NUMA1: variants seen among roughly 807,000 people sequenced by gnomAD.
The protein encoded by NUMA1 is nuclear mitotic apparatus protein 1.
In NUMA1, 62 loss-of-function variants were observed where a neutral mutation model predicts 237.1. The observed-to-expected ratio is 0.26, with a 90% CI of 0.21 to 0.32. The LOEUF (loss-of-function observed/expected upper bound fraction) is 0.32. Among genes scored for constraint, NUMA1 ranks in the 10% least tolerant of loss-of-function variants. The pLI is 1.00. For missense variants in NUMA1, 2,533 were observed against 2,666.5 expected (o/e 0.95, Z 1.10); for synonymous variants, 1,028 against 1,066.1 (o/e 0.96, Z 0.70).
chr11:72,040,778 GCTCCA>G (rs1355829326), intron 2 of NUMA1: 10 of 152,328 alleles, frequency 6.6e-5, no homozygotes, highest in Admixed American at 1.3e-4. Flanking sequence ...GGCAAGCTCT[GCTCCA>G]CAGCGCCTGT....
chr11:72,009,109 T>A lies in NUMA1; in HGVS notation c.4916A>T (p.Glu1639Val). The change falls in exon 19 of 27, where the codon GAG becomes GTG. Residue 1639 changes from glutamate to valine, a missense_variant. Coordinates refer to ENST00000393695, the MANE Select transcript of NUMA1 (RefSeq NM_006185.4). Reference sequence around the variant, plus strand: ...CTCTTTGTTTTCCTTCTGCAGCTGCTCCAGGCTCCGCAGCTGCTCCTGCAG... The same window carrying A: ...CTCTTTGTTTTCCTTCTGCAGCTGCACCAGGCTCCGCAGCTGCTCCTGCAG... ...QELQEQLRSLEQLQKENKELR... is the reference protein window; with the variant it reads ...QELQEQLRSLVQLQKENKELR... 1.2e-6 allele frequency: 2 copies of A among 1,612,106 alleles called. No individual in the cohort carries two copies. Among genetic ancestry groups the A allele is most frequent in the Non-Finnish European group, 1.7e-6 (2 of 1,179,700 alleles).
At chr11:72,045,089 A>G (rs943054071) in intron 2 of NUMA1, among the ~76,000 whole-genome samples, 2 of 152,146 alleles carry the variant, frequency 1.3e-5, no homozygotes, top group Non-Finnish European at 2.9e-5. Context: ...GAAATTCCTC[A>G]AGGGCATAAC....
Position 72,013,804 on chromosome 11 carries a change from C to G in NUMA1, c.3699G>C (p.Glu1233Asp). 2 of 1,610,768 alleles carry G rather than the reference C, an allele frequency of 1.2e-6. No individual in the cohort carries two copies. The highest frequency in any genetic ancestry group is 1.7e-6 in the Non-Finnish European group (2 of 1,180,010). Residue 1233 changes from glutamate to aspartate, a missense_variant, in exon 15 of 27, where the codon GAG becomes GAC. Coordinates refer to ENST00000393695, the MANE Select transcript of NUMA1 (RefSeq NM_006185.4). This position sits in a 1 kb window ranked among gnomAD's most constrained non-coding sequence, Gnocchi z 6.8. The stretch of plus-strand genomic sequence containing the variant: ...GGACCTGGCGATTCAGGATGGACAC[C>G]TCCTCCTCCAAGCTGCTGATGAGGC... ...KNSLISSLEEEVSILNRQVLE... is the reference protein window; with the variant it reads ...KNSLISSLEEDVSILNRQVLE...
At chr11:72,004,544 T>C in intron 24 of NUMA1, 96 bp downstream of exon 24, 3 of 1,335,402 alleles carry the variant, frequency 2.2e-6, no homozygotes, top group Non-Finnish European at 3.1e-6. Context: ...GAGGGGGAAG[T>C]GAGGGAAGGA....
chr11:72,035,973 C>A lies in NUMA1; in HGVS notation c.-30G>T, dbSNP rs758022093. 2 of 1,611,256 alleles carry A rather than the reference C, an allele frequency of 1.2e-6. No homozygotes were observed. Among genetic ancestry groups the A allele is most frequent in the East Asian group, 4.5e-5 (2 of 44,878 alleles). On this transcript the variant is annotated splice_region_variant and 5_prime_UTR_variant, in exon 3 of 27. Coordinates refer to ENST00000393695, the MANE Select transcript of NUMA1 (RefSeq NM_006185.4). ...GTGATGCCAGACAGTCACTCCAATGCGCCTGGAACCCAAGAGAGGAAGAAA... is the reference window on the plus strand; with the variant it reads ...GTGATGCCAGACAGTCACTCCAATGAGCCTGGAACCCAAGAGAGGAAGAAA...
Position 72,017,675 on chromosome 11 carries a change from G to A in NUMA1, c.1119+12C>T. The A allele has an allele frequency of 1.2e-6, 2 of 1,612,510 alleles. No individual in the cohort carries two copies. Among genetic ancestry groups the A allele is most frequent in the African/African-American group, 1.3e-5 (1 of 75,052 alleles). ...GGTCAAGACTGTGGCTGTGACCCCAGCAGAGGGTTACCTTGTCCTGCAGGG... is the reference window on the plus strand; with the variant it reads ...GGTCAAGACTGTGGCTGTGACCCCAACAGAGGGTTACCTTGTCCTGCAGGG... On this transcript the variant is annotated intron_variant, in intron 13 of 26. Transcript: ENST00000393695.
chr11:72,031,506 A>G (rs1413225950), intron 3 of NUMA1, among the ~76,000 whole-genome samples: 2 of 151,578 alleles, frequency 1.3e-5, no homozygotes, highest in Non-Finnish European at 2.9e-5. Context: ...TTTAAAAACA[A>G]CTTTTAGGCC....
intron 4 of NUMA1, among the ~76,000 whole-genome samples, chr11:72,025,180 G>A (rs1939403772): frequency 6.6e-6 from 1 of 152,192 alleles, no homozygotes; most frequent in Non-Finnish European, 1.5e-5. Flanking sequence ...TGGAGCCACT[G>A]CGCCCAGCTA....
intron 3 of NUMA1, 54 bp downstream of exon 3, chr11:72,035,846 ACT>A: frequency 6.5e-7 from 1 of 1,549,920 alleles, no homozygotes; most frequent in Non-Finnish European, 8.9e-7. Context: ...TCCTCTCCTA[ACT>A]CTCTCAAGCT....
rs546348710 is a variant in NUMA1 at position 72,017,830 on chromosome 11, G to A, written c.979-3C>T. On this transcript the variant is annotated splice_region_variant and splice_polypyrimidine_tract_variant and intron_variant, in intron 12 of 26. Transcript: ENST00000393695. ...AGATGACTGGCAAACTCCCGCAGCTGAGACGGGCAAGTGAGAATCCCCATC... is the reference window on the plus strand; with the variant it reads ...AGATGACTGGCAAACTCCCGCAGCTAAGACGGGCAAGTGAGAATCCCCATC... 1.6e-4 allele frequency: 252 copies of A among 1,586,672 alleles called. No individual in the cohort carries two copies. The highest frequency in any genetic ancestry group is 2.1e-4 in the Non-Finnish European group (248 of 1,167,946).
At position 72,013,175 on chromosome 11, in the gene NUMA1, G is replaced by A. The variant is rs761875647; in HGVS notation, c.4328C>T (p.Ala1443Val). Residue 1443 changes from alanine (A) to valine (V), a missense_variant, in exon 15 of 27, where the codon GCG (alanine) becomes GTG (valine). Physicochemically the swap from Ala to Val is moderately conservative, Grantham distance 64 (BLOSUM62 0). Transcript: ENST00000393695. This position sits in a 1 kb window ranked among gnomAD's most constrained non-coding sequence, Gnocchi z 6.8. ...GTTCTCCTCTGCCAGCAGGCCATGC[G>A]CCTTCTTCAGCATGCTCAGCTGCTC... ...YAEQLSMLKK[A>V]HGLLAEENRG... 33 of 1,613,306 alleles carry A rather than the reference G, an allele frequency of 2.0e-5. No homozygotes were observed. Among genetic ancestry groups the A allele is most frequent in the African/African-American group, 5.3e-5 (4 of 75,060 alleles).
intron 2 of NUMA1, among the ~76,000 whole-genome samples, chr11:72,044,716 G>A (rs1337974998): frequency 6.8e-6 from 1 of 147,132 alleles, no homozygotes; most frequent in Non-Finnish European, 1.5e-5. Context: ...CACCCAGGCT[G>A]GAGTACAATG....
chr11:72,008,571 T>C, intron 20 of NUMA1, 117 bp downstream of exon 20: 1 of 1,206,180 alleles, frequency 8.3e-7, no homozygotes, highest in Non-Finnish European at 1.2e-6. Context: ...TACCCGTTTT[T>C]CGTTATTCTT....
chr11:72,013,929 A>T lies in NUMA1; in HGVS notation c.3574T>A (p.Leu1192Met). The T allele has an allele frequency of 6.2e-7, 1 of 1,613,780 alleles. No individual in the cohort carries two copies. Among genetic ancestry groups the T allele is most frequent in the Non-Finnish European group, 8.5e-7 (1 of 1,179,992 alleles). Residue 1192 changes from leucine to methionine, a missense_variant, in exon 15 of 27, where the codon TTG (leucine) becomes ATG (methionine). This residue lies in a region of NUMA1 where 1,414 missense variants were observed against 1,508.1 expected (regional missense o/e 0.94). Coordinates refer to ENST00000393695, the MANE Select transcript of NUMA1 (RefSeq NM_006185.4). The surrounding 1 kb of genome is among the most constrained non-coding windows in gnomAD (Gnocchi z 6.8). ...QSALASAQRE[L>M]AAFRTKVQDH... The stretch of plus-strand genomic sequence containing the variant: ...TGTACCTTGGTGCGGAAGGCAGCCA[A>T]CTCCCGTTGGGCCGAGGCTAAGGCA...
intron 2 of NUMA1, chr11:72,065,935 CAA>C (rs1471684365): frequency 6.6e-6 from 1 of 152,206 alleles, no homozygotes; most frequent in African/African-American, 2.4e-5. Flanking sequence ...AGATGCCTGA[CAA>C]ACTTAATACT....
At chr11:72,006,296 A>G (rs768968285) in intron 21 of NUMA1, 33 bp from the exon 22 acceptor site, 2 of 1,586,108 alleles carry the variant, frequency 1.3e-6, no homozygotes, top group Non-Finnish European at 1.7e-6. Flanking sequence ...TGCAGTGTAC[A>G]GTCCCTGGCA....
At chr11:72,037,399 G>C (rs1368032074) in intron 2 of NUMA1, among the ~76,000 whole-genome samples, 1 of 152,236 alleles carries the variant, frequency 6.6e-6, no homozygotes, top group Admixed American at 6.5e-5. Flanking sequence ...CCAGCTACTC[G>C]GGAGGCTGAG....
At chr11:72,049,554 AATAAT>A (rs1942194731) in intron 2 of NUMA1, 1 of 8,460 alleles carries the variant, frequency 1.2e-4, no homozygotes, top group African/African-American at 2.6e-4. Flanking sequence ...AAAAAAAAAT[AATAAT>A]AATATATATA....
chr11:72,068,770 A>G (rs1943316650), intron 2 of NUMA1, among the ~76,000 whole-genome samples: 1 of 152,230 alleles, frequency 6.6e-6, no homozygotes, highest in South Asian at 2.1e-4. Context: ...ACTGCAATCA[A>G]AATACTCTCC....
Sources: gnomAD v4.1 joint callset for allele counts (sites outside exome capture counted in the v4.1 genomes callset) on GRCh38, gnomAD v4.1.1 for gene constraint, gnomAD v4.1.1 regional missense constraint, Gnocchi (gnomAD v3.1) non-coding constraint, MANE v1.5 for transcripts, NCBI Gene and HGNC (gene_info 2026-07-23, HGNC 2026-07-21) for gene names.